RRP1B: variants seen among roughly 807,000 people sequenced by gnomAD.
The protein encoded by RRP1B is ribosomal RNA processing protein 1 homolog B.
A neutral mutation model predicts 80.2 loss-of-function variants in RRP1B; 56 were observed. The ratio of observed to expected loss-of-function variants is 0.70; its 90% CI spans 0.56 to 0.87. RRP1B has a LOEUF of 0.87. Ranked by LOEUF, RRP1B falls within the 40% of genes least tolerant of loss-of-function variation. RRP1B has a pLI of 0.00. For missense variants in RRP1B, 807 were observed against 939.8 expected (o/e 0.86, Z 1.85); for synonymous variants, 351 against 357.6 (o/e 0.98, Z 0.21).
intron 4 of RRP1B, among the ~76,000 whole-genome samples, chr21:43,674,369 G>C (rs2083012562): frequency 6.6e-6 from 1 of 152,082 alleles, no homozygotes; most frequent in Non-Finnish European, 1.5e-5. Flanking sequence ...GTTGGCCAGG[G>C]TGGTCTTGAA....
intron 1 of RRP1B, among the ~76,000 whole-genome samples, chr21:43,664,777 A>G (rs1382903278): frequency 6.6e-6 from 1 of 152,222 alleles, no homozygotes; most frequent in Non-Finnish European, 1.5e-5. Flanking sequence ...CAGACAGCAA[A>G]GGAGAAACAA....
chr21:43,690,521 C>T (rs1303728260), intron 14 of RRP1B, 81 bp downstream of exon 14: 17 of 1,500,278 alleles, frequency 1.1e-5, no homozygotes, highest in Admixed American at 7.3e-5. Flanking sequence ...CTTCCCATGC[C>T]GGGCCTGGAG....
chr21:43,674,745 G>C (rs957254706), intron 5 of RRP1B, 48 bp downstream of exon 5: 1 of 1,497,922 alleles, frequency 6.7e-7, no homozygotes, highest in African/African-American at 1.4e-5. Flanking sequence ...AAACTTAAAA[G>C]GTAGTAGAGT....
chr21:43,676,423 C>A, intron 7 of RRP1B, 87 bp downstream of exon 7: 2 of 1,006,170 alleles, frequency 2.0e-6, no homozygotes, highest in Non-Finnish European at 3.1e-6. Flanking sequence ...CACAGGGTAC[C>A]CAGGACACTG....
intron 13 of RRP1B, among the ~76,000 whole-genome samples, chr21:43,689,272 G>A (rs1381206435): frequency 6.6e-6 from 1 of 152,272 alleles, no homozygotes; most frequent in African/African-American, 2.4e-5. Flanking sequence ...CCTTCACAGA[G>A]TTTGCGCACC....
rs77117859 is a variant in RRP1B at position 43,667,191 on chromosome 21, C to G, written c.131-2693C>G. 4.1e-3 allele frequency among the ~76,000 whole-genome samples: 631 copies of G among 152,256 alleles called. 7 individuals are homozygous for G. Among genetic ancestry groups the G allele is most frequent in the African/African-American group, 0.014 (598 of 41,522 alleles). ...GGGTTTGGGTGTTGATGGTCTGACA[C>G]ATCCACTTTCAAGTTTCTTAATATC... is the stretch of plus-strand genomic sequence containing the variant. On this transcript the variant is annotated intron_variant, in intron 1 of 15. Transcript: ENST00000340648.
rs1221797048 is a variant in RRP1B at position 43,693,169 on chromosome 21, C to T, written c.2084-21C>T. ...GCTGTCGGACCCACTTAATATGGGG[C>T]CTTGCTCTCATTTGGGACAGAATTC... is the stretch of plus-strand genomic sequence containing the variant. On this transcript the variant is annotated intron_variant, in intron 15 of 15. Transcript: ENST00000340648. The surrounding 1 kb of genome is among the most constrained non-coding windows in gnomAD (Gnocchi z 4.1). 1.2e-6 allele frequency: 2 copies of T among 1,613,164 alleles called. No individual in the cohort carries two copies. Among genetic ancestry groups the T allele is most frequent in the African/African-American group, 1.3e-5 (1 of 74,862 alleles).
chr21:43,673,577 T>C (rs1023751116), intron 3 of RRP1B, among the ~76,000 whole-genome samples: 16 of 143,966 alleles, frequency 1.1e-4, no homozygotes, highest in African/African-American at 4.1e-4. Flanking sequence ...GAGGTTGCAA[T>C]GAGCTGAGAT....
At chr21:43,677,075 GC>G (rs2083025757) in intron 8 of RRP1B, among the ~76,000 whole-genome samples, 161 bp downstream of exon 8, 1 of 152,184 alleles carries the variant, frequency 6.6e-6, no homozygotes, top group Non-Finnish European at 1.5e-5. Context: ...GGTTCATTGT[GC>G]CTGGGGGGTG....
chr21:43,674,747 T>C (rs767951735), intron 5 of RRP1B, 50 bp downstream of exon 5: 12 of 1,478,774 alleles, frequency 8.1e-6, no homozygotes, highest in Admixed American at 6.1e-5. Context: ...ACTTAAAAGG[T>C]AGTAGAGTGT....
intron 13 of RRP1B, among the ~76,000 whole-genome samples, chr21:43,689,134 C>T (rs1248880541): frequency 1.3e-5 from 2 of 152,214 alleles, no homozygotes; most frequent in Non-Finnish European, 2.9e-5. Flanking sequence ...GGCCGGCAAA[C>T]GTAGTGTCAC....
Position 43,695,372 on chromosome 21 carries a change from T to C in RRP1B, c.*1989T>C, listed in dbSNP as rs762017069. ...TTTTTCCTAGCATTTCTATATTATC[T>C]GTCCATTCTGAGGAACCAGTGAATG... On this transcript the variant is annotated 3_prime_UTR_variant, in exon 16 of 16. Transcript: ENST00000340648. 6.6e-6 allele frequency: 1 copy of C among 152,200 alleles called. No homozygotes were observed. The highest frequency in any genetic ancestry group is 1.5e-5 in the Non-Finnish European group (1 of 68,040). 9.4% of individuals were successfully genotyped at this position (152,200 alleles called of 1,614,324 possible). A position where few individuals can be genotyped will look rare whatever the true frequency, so the allele number is the denominator to read the frequency against.
chr21:43,680,540 G>A (rs896471655), intron 8 of RRP1B, among the ~76,000 whole-genome samples: 2 of 152,060 alleles, frequency 1.3e-5, no homozygotes, highest in African/African-American at 4.8e-5. Flanking sequence ...CTCCAGCCTG[G>A]GCGACAGAGG....
At chr21:43,662,272 GTC>G (rs1195617883) in intron 1 of RRP1B, among the ~76,000 whole-genome samples, 3 of 152,236 alleles carry the variant, frequency 2.0e-5, no homozygotes, top group African/African-American at 7.2e-5. Context: ...CCAGAGTCCT[GTC>G]TGGTTAGTGC....
chr21:43,683,210 T>C (rs756976152), intron 8 of RRP1B, 69 bp from the exon 9 acceptor site: 97 of 1,273,174 alleles, frequency 7.6e-5, no homozygotes, highest in Non-Finnish European at 1.0e-4. Flanking sequence ...AGACAGTGGC[T>C]CCTGTGGAAG....
At chr21:43,674,586 CTTTTTTTT>C (rs33994751) in intron 4 of RRP1B, 42 bp from the exon 5 acceptor site, 57 of 392,692 alleles carry the variant, frequency 1.5e-4, no homozygotes, top group East Asian at 1.0e-3. Flanking sequence ...CTTACCTTTC[CTTTTTTTT>C]TTTTTTTTTT....
intron 1 of RRP1B, among the ~76,000 whole-genome samples, chr21:43,661,503 C>T (rs1434354230): frequency 6.6e-6 from 1 of 152,160 alleles, no homozygotes; most frequent in African/African-American, 2.4e-5. Flanking sequence ...GGCCCACATC[C>T]AGTGGGAGGA....
At chr21:43,666,598 A>T (rs978323797) in intron 1 of RRP1B, among the ~76,000 whole-genome samples, 13 of 151,912 alleles carry the variant, frequency 8.6e-5, no homozygotes, top group African/African-American at 3.1e-4. Context: ...GGTGCGTGTA[A>T]TCCCAGCTAC....
chr21:43,673,808 C>G, intron 3 of RRP1B, 62 bp from the exon 4 acceptor site: 3 of 985,002 alleles, frequency 3.0e-6, no homozygotes, highest in Non-Finnish European at 4.7e-6. Flanking sequence ...TCATTATTTT[C>G]TTGCTATATG....
Sources: gnomAD v4.1 joint callset for allele counts (sites outside exome capture counted in the v4.1 genomes callset) on GRCh38, gnomAD v4.1.1 for gene constraint, Gnocchi (gnomAD v3.1) non-coding constraint, MANE v1.5 for transcripts, NCBI Gene and HGNC (gene_info 2026-07-23, HGNC 2026-07-21) for gene names.